Variants in ZC3H11A observed in about 807,000 individuals in gnomAD.
The protein encoded by ZC3H11A is zinc finger CCCH-type containing 11A.
A neutral mutation model predicts 90.8 loss-of-function variants in ZC3H11A; 22 were observed. The observed-to-expected ratio is 0.24, with a 90% CI of 0.17 to 0.35. The LOEUF is 0.35. ZC3H11A is among the 10% of genes least tolerant of loss of function. The pLI, the probability that ZC3H11A is intolerant of heterozygous loss-of-function variation, is 1.00. For synonymous variants in ZC3H11A, 294 were observed against 339.8 expected (o/e 0.87, Z 1.48); for missense variants, 701 against 964.9 (o/e 0.73, Z 3.62).
chr1:203,816,326 A>G (rs1288656172), intron 2 of ZC3H11A, among the ~76,000 whole-genome samples: 1 of 152,166 alleles, frequency 6.6e-6, no homozygotes, highest in Non-Finnish European at 1.5e-5. Context: ...ATATACATAT[A>G]TGTATAATGT....
chr1:203,797,772 A>T (rs1326646897), intron 1 of ZC3H11A: 5 of 1,535,912 alleles, frequency 3.3e-6, no homozygotes, highest in Non-Finnish European at 4.4e-6. Flanking sequence ...TCTTGCCAAA[A>T]AGTTTAGTAA....
At chr1:203,828,822 T>C (rs1289975091) in intron 5 of ZC3H11A, among the ~76,000 whole-genome samples, 1 of 152,224 alleles carries the variant, frequency 6.6e-6, no homozygotes, top group African/African-American at 2.4e-5. Context: ...TGCTATAGAA[T>C]TGAGTAGTTG....
At chr1:203,814,104 A>G (rs1199066097) in intron 2 of ZC3H11A, among the ~76,000 whole-genome samples, 1 of 152,126 alleles carries the variant, frequency 6.6e-6, no homozygotes, top group Non-Finnish European at 1.5e-5. Flanking sequence ...GCAGCAGGAA[A>G]AGCCCAGGCT....
intron 8 of ZC3H11A, 59 bp downstream of exon 8, chr1:203,830,262 C>T (rs531621947): frequency 5.7e-5 from 78 of 1,367,990 alleles, no homozygotes; most frequent in Middle Eastern, 3.7e-4. Context: ...ATACTAAGGA[C>T]GCTTCTAGAA....
chr1:203,813,514 CAT>C (rs1032042563), intron 2 of ZC3H11A, among the ~76,000 whole-genome samples: 35 of 152,224 alleles, frequency 2.3e-4, no homozygotes, highest in African/African-American at 7.9e-4. Context: ...GTTCCAGTAA[CAT>C]ATGTTGAAAA....
Position 203,814,597 on chromosome 1 carries a change from A to G in ZC3H11A, c.-145-2329A>G, listed in dbSNP as rs369975992. Reference sequence around the variant, plus strand: ...CCTAATTTCTGACTGAAACCTCACCATAAGTACCTTAAGTACCTTTAACGT... The same window carrying G: ...CCTAATTTCTGACTGAAACCTCACCGTAAGTACCTTAAGTACCTTTAACGT... On this transcript the variant is annotated intron_variant, in intron 2 of 17. Coordinates refer to ENST00000367210, the MANE Select transcript of ZC3H11A (RefSeq NM_001376342.1). Among the ~76,000 whole-genome samples, 15 of 152,282 alleles carry G rather than the reference A, an allele frequency of 9.9e-5. No homozygotes were observed. The East Asian group carries it at 2.3e-3, about 24-fold the overall frequency.
Position 203,815,211 on chromosome 1 carries a change from C to CTTTCTTTTTTTTTTTT in ZC3H11A, c.-145-1712_-145-1711insCTTTTTTTTTTTTTTT, listed in dbSNP as rs779729339. On this transcript the variant is annotated intron_variant, in intron 2 of 17. Coordinates refer to ENST00000367210, the MANE Select transcript of ZC3H11A (RefSeq NM_001376342.1). ...GTTATTTCATTATTTTCTTCCTTTT[C>CTTTCTTTTTTTTTTTT]TTTTCTTTTTTTTTTTTTTTTGAGA... 2.9e-4 allele frequency among the ~76,000 whole-genome samples: 17 copies of CTTTCTTTTTTTTTTTT among 59,414 alleles called. 1 individual carries two copies. Among genetic ancestry groups the CTTTCTTTTTTTTTTTT allele is most frequent in the East Asian group, 1.5e-3 (4 of 2,708 alleles). 39.0% of individuals were successfully genotyped at this position (59,414 alleles called of 152,430 possible).
chr1:203,805,926 T>C (rs1382610525), intron 2 of ZC3H11A: 4 of 661,102 alleles, frequency 6.1e-6, no homozygotes, highest in Non-Finnish European at 1.2e-5. Flanking sequence ...CTACCTTCAT[T>C]TCCTTTGCTC....
At position 203,829,529 on chromosome 1, in the gene ZC3H11A, C is replaced by T; in HGVS notation, c.377C>T (p.Ser126Phe). Reference sequence around the variant, plus strand: ...CTTTCAGTTCAGCAGAACAAATTGTCTGTCCAGTCCAATCCTTCCCCTCAG... The same window carrying T: ...CTTTCAGTTCAGCAGAACAAATTGTTTGTCCAGTCCAATCCTTCCCCTCAG... The part of the protein sequence containing the change: ...SQLSVQQNKL[S>F]VQSNPSPQLR... The change falls in exon 6 of 18, where the codon TCT (serine) becomes TTT (phenylalanine). Residue 126 changes from serine (S) to phenylalanine (F), a missense_variant. By Grantham distance (155) the Ser-to-Phe change is radical (BLOSUM62 -2). Transcript: ENST00000367210. 6.2e-7 allele frequency: 1 copy of T among 1,613,986 alleles called. No individual in the cohort carries two copies. The highest frequency in any genetic ancestry group is 8.5e-7 in the Non-Finnish European group (1 of 1,179,918).
At chr1:203,828,784 A>G (rs1681360569) in intron 5 of ZC3H11A, among the ~76,000 whole-genome samples, 2 of 152,340 alleles carry the variant, frequency 1.3e-5, no homozygotes, top group South Asian at 4.1e-4. Context: ...ATTCATTTAC[A>G]TATTTTCTAT....
In ZC3H11A at chr1:203,819,529, ATTTTTTT is replaced by A. The variant is rs755259647; in HGVS notation, c.174+856_174+862del. ...GAGCCACCGTGCCCAGCTGACTCCA[ATTTTTTT>A]TTTTTTTTTTTTTTTGAGACAGAGT... is the stretch of plus-strand genomic sequence containing the variant. On this transcript the variant is annotated intron_variant, in intron 4 of 17. Coordinates refer to ENST00000367210, the MANE Select transcript of ZC3H11A (RefSeq NM_001376342.1). Among the ~76,000 whole-genome samples the A allele has an allele frequency of 1.3e-3, 96 of 72,878 alleles. 1 individual carries two copies. The highest frequency in any genetic ancestry group is 4.9e-3 in the African/African-American group (86 of 17,410). 47.8% of individuals were successfully genotyped at this position (72,878 alleles called of 152,430 possible). A position where few individuals can be genotyped will look rare whatever the true frequency, so the allele number is the denominator to read the frequency against.
At chr1:203,839,743 AT>A (rs905966213) in intron 11 of ZC3H11A, among the ~76,000 whole-genome samples, 1 of 152,112 alleles carries the variant, frequency 6.6e-6, no homozygotes, top group Non-Finnish European at 1.5e-5. Flanking sequence ...TAACAAAATT[AT>A]TTCCTTTAAT....
intron 1 of ZC3H11A, chr1:203,797,494 C>T (rs1197953731): frequency 2.1e-6 from 3 of 1,460,874 alleles, no homozygotes; most frequent in African/African-American, 2.8e-5. Context: ...CTAACAGATT[C>T]TGGTACGAAT....
chr1:203,837,221 G>C (rs763521644), intron 10 of ZC3H11A, among the ~76,000 whole-genome samples: 1 of 151,336 alleles, frequency 6.6e-6, no homozygotes, highest in African/African-American at 2.4e-5. Flanking sequence ...AGCCTAGGAG[G>C]TGGAGGTTGC....
chr1:203,817,530 CTTCT>C (rs148465191), intron 3 of ZC3H11A, among the ~76,000 whole-genome samples: 26,630 of 151,848 alleles, frequency 0.18, 2,594 homozygotes, highest in Middle Eastern at 0.26. Context: ...TTGAATTTGA[CTTCT>C]TTCTTCTCCC....
rs1214754172 is a variant in ZC3H11A, at chr1:203,849,974, C to T, written c.1887C>T (p.Asp629=). 6.2e-7 allele frequency: 1 copy of T among 1,613,956 alleles called. No individual in the cohort carries two copies. The change falls in exon 15 of 18, where the codon GAC becomes GAT. Residue 629 remains aspartate, a synonymous_variant. Transcript: ENST00000367210. ...KVEVETSGIG[D]SLLNVKCAAQ... ...AGGTAGAAACCTCAGGGATTGGAGA[C>T]TCATTATTGAATGTGAAATGTGCAG...
intron 1 of ZC3H11A, chr1:203,798,826 G>A: frequency 1.3e-6 from 2 of 1,536,118 alleles, no homozygotes. Flanking sequence ...GCCTTTCAGA[G>A]GTTCATGCAG....
At chr1:203,833,618 GTTTTTT>G (rs553171669) in intron 9 of ZC3H11A, among the ~76,000 whole-genome samples, 167 bp from the exon 10 acceptor site, 2 of 124,832 alleles carry the variant, frequency 1.6e-5, no homozygotes, top group Admixed American at 1.7e-4. Context: ...ATAGGTTTGG[GTTTTTT>G]TTTTTTTTTT....
At chr1:203,807,382 C>G (rs1672738133) in intron 2 of ZC3H11A, among the ~76,000 whole-genome samples, 1 of 152,134 alleles carries the variant, frequency 6.6e-6, no homozygotes, top group African/African-American at 2.4e-5. Flanking sequence ...AACTCCTGGG[C>G]TCAAGGCTTC....
Sources: gnomAD v4.1 joint callset for allele counts (sites outside exome capture counted in the v4.1 genomes callset) on GRCh38, gnomAD v4.1.1 for gene constraint, MANE v1.5 for transcripts, NCBI Gene and HGNC (gene_info 2026-07-23, HGNC 2026-07-21) for gene names.